The following PDZRN3 variants were observed in gnomAD, a reference collection of about 807,000 sequenced individuals.
PDZRN3 encodes the protein E3 ubiquitin-protein ligase PDZRN3.
A neutral mutation model predicts 85.7 loss-of-function variants in PDZRN3; 38 were observed. That is an observed-to-expected ratio of 0.44 (90% CI 0.34 to 0.58). PDZRN3 has a LOEUF of 0.58. PDZRN3 is among the 20% of genes least tolerant of loss of function. PDZRN3 has a pLI of 0.01. For synonymous variants in PDZRN3, 759 were observed against 638.0 expected, an observed-to-expected ratio of 1.19 and a Z score of -2.86; for missense variants, 1,629 against 1,506.4, an observed-to-expected ratio of 1.08 and a Z score of -1.35.
At chr3:73,591,305 G>A (rs1217916414) in intron 3 of PDZRN3, among the ~76,000 whole-genome samples, 1 of 152,096 alleles carries the variant, frequency 6.6e-6, no homozygotes, top group Admixed American at 6.5e-5. Context: ...ACACACAATT[G>A]TTTGACTTTA....
intron 3 of PDZRN3, among the ~76,000 whole-genome samples, chr3:73,577,562 C>T (rs1057457787): frequency 6.6e-6 from 1 of 152,088 alleles, no homozygotes; most frequent in Admixed American, 6.5e-5. Flanking sequence ...TAGCTGGGAC[C>T]AGTCAATGGG....
At chr3:73,553,713 T>C (rs1701621210) in intron 3 of PDZRN3, among the ~76,000 whole-genome samples, 1 of 152,108 alleles carries the variant, frequency 6.6e-6, no homozygotes, top group South Asian at 2.1e-4. Context: ...AATTCCGTGG[T>C]GTGACTTCAG....
chr3:73,554,644 T>C (rs1701647760), intron 3 of PDZRN3, among the ~76,000 whole-genome samples: 1 of 152,242 alleles, frequency 6.6e-6, no homozygotes, highest in Non-Finnish European at 1.5e-5. Flanking sequence ...TATCCCAACT[T>C]AGAAAGGTCT....
chr3:73,443,500 G>GGGT (rs1702687644), intron 3 of PDZRN3, among the ~76,000 whole-genome samples: 3 of 39,830 alleles, frequency 7.5e-5, no homozygotes, highest in African/African-American at 6.0e-4. Flanking sequence ...TTTTTTTTTG[G>GGGT]GGGGGGGACA....
rs1373868623 is a variant in PDZRN3 at position 73,385,798 on chromosome 3, G to A, written c.1519-13C>T. On this transcript the variant is annotated splice_polypyrimidine_tract_variant and intron_variant, in intron 8 of 9. Coordinates refer to ENST00000263666, the MANE Select transcript of PDZRN3 (RefSeq NM_015009.3). Reference sequence around the variant, plus strand: ...AGCCCTCATCCAGCTGCAGGCAAGAGCAGCCAACACATGCCTTAGAAGTTT... The same window carrying A: ...AGCCCTCATCCAGCTGCAGGCAAGAACAGCCAACACATGCCTTAGAAGTTT... 2.1e-6 allele frequency: 3 copies of A among 1,449,730 alleles called. No homozygotes were observed. The highest frequency in any genetic ancestry group is 1.1e-5 in the South Asian group (1 of 87,780). The allele number at this position is 1,449,730 out of a possible 1,614,324, so 89.8% of individuals were successfully genotyped here. A position where few individuals can be genotyped will look rare whatever the true frequency, so the allele number is the denominator to read the frequency against.
At chr3:73,612,385 A>ACTGATC (rs1197695204) in intron 1 of PDZRN3, among the ~76,000 whole-genome samples, 1 of 152,186 alleles carries the variant, frequency 6.6e-6, no homozygotes, top group Non-Finnish European at 1.5e-5. Flanking sequence ...GCCTCCAAAG[A>ACTGATC]CTGAGCCTGG....
intron 3 of PDZRN3, among the ~76,000 whole-genome samples, chr3:73,560,108 T>C (rs1701785099): frequency 6.6e-6 from 1 of 152,236 alleles, no homozygotes; most frequent in Non-Finnish European, 1.5e-5. Flanking sequence ...ACCAACAATC[T>C]GTAGGTACGA....
At chr3:73,584,062 C>T (rs2106870657) in intron 3 of PDZRN3, among the ~76,000 whole-genome samples, 1 of 145,242 alleles carries the variant, frequency 6.9e-6, no homozygotes, top group South Asian at 2.1e-4. Flanking sequence ...CTTCCAATGC[C>T]AGGGCAGTTC....
Position 73,583,370 on chromosome 3 carries a change from A to G in PDZRN3, c.918+18984T>C, listed in dbSNP as rs1333216271. On this transcript the variant is annotated intron_variant, in intron 3 of 9. Coordinates refer to ENST00000263666, the MANE Select transcript of PDZRN3 (RefSeq NM_015009.3). The stretch of plus-strand genomic sequence containing the variant: ...GGAAGTAAATTCTTCCTACATAAGC[A>G]CTTCTGTGGATCATGTAGTAACAGA... 4.6e-5 allele frequency among the ~76,000 whole-genome samples: 7 copies of G among 152,212 alleles called. No homozygotes were observed. In the South Asian group the frequency reaches 8.3e-4, roughly 18 times the overall value.
At chr3:73,540,645 A>G (rs1210521691) in intron 3 of PDZRN3, among the ~76,000 whole-genome samples, 1 of 152,188 alleles carries the variant, frequency 6.6e-6, no homozygotes, top group East Asian at 1.9e-4. Context: ...CCTTCCTGCT[A>G]TCATGTGAAG....
rs139573265 is a variant in PDZRN3, at chr3:73,407,405, T to A, written c.919-3010A>T. Among the ~76,000 whole-genome samples, 1,100 of 152,312 alleles carry A rather than the reference T, an allele frequency of 7.2e-3. 7 individuals are homozygous for A. The highest frequency in any genetic ancestry group is 0.027 in the Middle Eastern group (8 of 294). ...ACTGAATAAGTGAATTAACCAAGTT[T>A]AGAACGTCTTATCCCCAAAATTCTT... On this transcript the variant is annotated intron_variant, in intron 3 of 9. Transcript: ENST00000263666.
chr3:73,455,673 G>A (rs1702963094), intron 3 of PDZRN3, among the ~76,000 whole-genome samples: 1 of 152,192 alleles, frequency 6.6e-6, no homozygotes, highest in Non-Finnish European at 1.5e-5. Flanking sequence ...ATCTACCTCT[G>A]AAAGGATGGG....
At chr3:73,435,937 C>G (rs1702522593) in intron 3 of PDZRN3, among the ~76,000 whole-genome samples, 1 of 152,180 alleles carries the variant, frequency 6.6e-6, no homozygotes, top group South Asian at 2.1e-4. Context: ...CCATCAATGT[C>G]TCATACCCAT....
chr3:73,444,724 C>A (rs1206410497), intron 3 of PDZRN3, among the ~76,000 whole-genome samples: 2 of 152,120 alleles, frequency 1.3e-5, no homozygotes, highest in Non-Finnish European at 2.9e-5. Context: ...CCTGATAACC[C>A]CCATGGGGTA....
At chr3:73,582,119 G>A (rs114073130) in intron 3 of PDZRN3, among the ~76,000 whole-genome samples, 157 of 152,158 alleles carry the variant, frequency 1.0e-3, no homozygotes, top group Non-Finnish European at 1.8e-3. Context: ...AAGAAAAACC[G>A]ACATCTCATA....
At chr3:73,429,894 C>T (rs990879583) in intron 3 of PDZRN3, among the ~76,000 whole-genome samples, 1 of 152,168 alleles carries the variant, frequency 6.6e-6, no homozygotes, top group Non-Finnish European at 1.5e-5. Flanking sequence ...GAAGGACCAG[C>T]AACCCCGTAG....
At position 73,383,444 on chromosome 3, in the gene PDZRN3, T is replaced by C; in HGVS notation, c.3122A>G (p.Gln1041Arg). 2.5e-6 allele frequency: 4 copies of C among 1,614,204 alleles called. No individual in the cohort carries two copies. The highest frequency in any genetic ancestry group is 3.4e-6 in the Non-Finnish European group (4 of 1,180,022). The part of the protein sequence containing the change: ...KKIFDNWMTI[Q>R]ELLTHGTKSP... Reference sequence around the variant, plus strand: ...TTTTGTGCCGTGGGTTAAGAGTTCTTGGATCGTCATCCAGTTATCGAAGAT... The same window carrying C: ...TTTTGTGCCGTGGGTTAAGAGTTCTCGGATCGTCATCCAGTTATCGAAGAT... The change falls in exon 10 of 10, where the codon CAA becomes CGA. Residue 1041 changes from glutamine to arginine, a missense_variant. By Grantham distance (43) the Gln-to-Arg change is conservative (BLOSUM62 1). Transcript: ENST00000263666.
chr3:73,604,153 C>G (rs1477384757), intron 2 of PDZRN3, among the ~76,000 whole-genome samples: 1 of 152,196 alleles, frequency 6.6e-6, no homozygotes, highest in Non-Finnish European at 1.5e-5. Flanking sequence ...TGCACACTAA[C>G]CCTTTACCAT....
At chr3:73,470,908 A>G (rs6549543) in intron 3 of PDZRN3, among the ~76,000 whole-genome samples, 41,753 of 152,146 alleles carry the variant, frequency 0.27, 7,034 homozygotes, top group African/African-American at 0.48. Flanking sequence ...AACACATTCC[A>G]AATTGACTTA....
Sources: gnomAD v4.1 joint callset for allele counts (sites outside exome capture counted in the v4.1 genomes callset) on GRCh38, gnomAD v4.1.1 for gene constraint, MANE v1.5 for transcripts, NCBI Gene and HGNC (gene_info 2026-07-23, HGNC 2026-07-21) for gene names.